MAP4K4: variants seen among roughly 807,000 people sequenced by gnomAD.
MAP4K4 encodes HPK/GCK-like kinase HGK.
A neutral mutation model predicts 189.6 loss-of-function variants in MAP4K4; 38 were observed. That is an observed-to-expected ratio of 0.20 (90% CI 0.15 to 0.26). The LOEUF (loss-of-function observed/expected upper bound fraction) is 0.26, where lower values mean the gene tolerates loss of function less well. Among genes scored for constraint, MAP4K4 ranks in the 10% least tolerant of loss-of-function variants. The pLI is 1.00. For synonymous variants in MAP4K4, 610 were observed against 624.3 expected, an observed-to-expected ratio of 0.98 and a Z score of 0.34; for missense variants, 1,054 against 1,726.9, an observed-to-expected ratio of 0.61 and a Z score of 6.91.
intron 10 of MAP4K4, among the ~76,000 whole-genome samples, chr2:101,841,386 G>T (rs1172004837): frequency 6.6e-6 from 1 of 152,130 alleles, no homozygotes; most frequent in Non-Finnish European, 1.5e-5. Context: ...ATACAGAAGA[G>T]CTTATATGTG....
In MAP4K4 at chr2:101,745,524, G is replaced by A. The variant is rs565665939; in HGVS notation, c.124-45196G>A. Among the ~76,000 whole-genome samples the A allele has an allele frequency of 5.3e-5, 8 of 151,344 alleles. No individual in the cohort carries two copies. The South Asian group carries it at 1.5e-3, about 28-fold the overall frequency. ...CTATATTTTATATAGCTACCTTTGG[G>A]CCATGAGTTCTAAGCTTTTTCTTAT... On this transcript the variant is annotated intron_variant, in intron 2 of 32. Coordinates refer to ENST00000324219, the Ensembl canonical transcript of MAP4K4.
chr2:101,760,976 G>A (rs2076131231), intron 2 of MAP4K4, among the ~76,000 whole-genome samples: 1 of 152,146 alleles, frequency 6.6e-6, no homozygotes, highest in South Asian at 2.1e-4. Flanking sequence ...GCACTCCAGT[G>A]TGGGCAACAA....
chr2:101,759,770 C>T (rs1409098581), intron 2 of MAP4K4, among the ~76,000 whole-genome samples: 2 of 71,618 alleles, frequency 2.8e-5, no homozygotes, highest in African/African-American at 1.2e-4. Context: ...CCTCCCCTTC[C>T]CCCATCCTCT....
At chr2:101,881,779 A>G (rs2098398751) in intron 27 of MAP4K4, among the ~76,000 whole-genome samples, 2 of 152,146 alleles carry the variant, frequency 1.3e-5, no homozygotes, top group Admixed American at 6.5e-5. Context: ...ATCTGTTGAT[A>G]TGATCATATG....
chr2:101,713,787 G>A (rs2046931322), intron 2 of MAP4K4, among the ~76,000 whole-genome samples: 1 of 151,776 alleles, frequency 6.6e-6, no homozygotes, highest in Non-Finnish European at 1.5e-5. Flanking sequence ...CCAGCTACTT[G>A]GGAGGCTGAG....
At chr2:101,782,923 A>G (rs901917836) in intron 2 of MAP4K4, among the ~76,000 whole-genome samples, 5 of 152,226 alleles carry the variant, frequency 3.3e-5, no homozygotes, top group African/African-American at 1.2e-4. Context: ...GTGCCCAACC[A>G]GTCAAGCTGG....
intron 2 of MAP4K4, among the ~76,000 whole-genome samples, chr2:101,755,359 A>G (rs985274457): frequency 1.3e-5 from 2 of 152,198 alleles, no homozygotes; most frequent in South Asian, 2.1e-4. Flanking sequence ...AATACAGCAA[A>G]GGAAAAGGCT....
exon 33 of MAP4K4, chr2:101,892,848 A>T (rs1055017002): frequency 8.8e-6 from 4 of 455,854 alleles, no homozygotes; most frequent in African/African-American, 8.0e-5. Flanking sequence ...TCCCGTAAGG[A>T]TATTACCGTC....
At chr2:101,837,243 T>G (rs1372612863) in intron 9 of MAP4K4, among the ~76,000 whole-genome samples, 1 of 152,016 alleles carries the variant, frequency 6.6e-6, no homozygotes, top group African/African-American at 2.4e-5. Flanking sequence ...TGTTCCTGTT[T>G]ATGCTTTTTT....
chr2:101,785,659 C>T (rs5029865), intron 2 of MAP4K4, among the ~76,000 whole-genome samples: 6,682 of 15,454 alleles, frequency 0.43, 1,533 homozygotes, highest in African/African-American at 0.55. Context: ...TTGCCATCTT[C>T]TTCTTTCTTT....
At chr2:101,783,125 G>T (rs2088600320) in intron 2 of MAP4K4, among the ~76,000 whole-genome samples, 1 of 152,182 alleles carries the variant, frequency 6.6e-6, no homozygotes. Flanking sequence ...TCTGGGGAGA[G>T]AATGGACAGA....
chr2:101,806,374 C>CTTTTTT (rs35242042), intron 3 of MAP4K4, among the ~76,000 whole-genome samples: 1 of 129,540 alleles, frequency 7.7e-6, no homozygotes, highest in African/African-American at 3.0e-5. Context: ...AGCTGTTTCA[C>CTTTTTT]TTTTTTTTTT....
At chr2:101,821,304 A>G (rs1419570462) in intron 3 of MAP4K4, among the ~76,000 whole-genome samples, 3 of 152,162 alleles carry the variant, frequency 2.0e-5, no homozygotes, top group Non-Finnish European at 4.4e-5. Flanking sequence ...TGCATCACTT[A>G]ACCATGAGGA....
At chr2:101,830,149 T>G (rs371905925) in intron 6 of MAP4K4, among the ~76,000 whole-genome samples, 5 of 152,320 alleles carry the variant, frequency 3.3e-5, no homozygotes, top group African/African-American at 9.6e-5. Context: ...GTCTTGGGCC[T>G]TGCTGCTTGT....
intron 27 of MAP4K4, among the ~76,000 whole-genome samples, chr2:101,882,248 G>T (rs1577359194): frequency 6.6e-6 from 1 of 152,324 alleles, no homozygotes; most frequent in East Asian, 1.9e-4. Context: ...TTACTGGTGA[G>T]AATGAGCATC....
chr2:101,723,596 G>A (rs2053510072), intron 2 of MAP4K4, among the ~76,000 whole-genome samples: 1 of 152,212 alleles, frequency 6.6e-6, no homozygotes, highest in Admixed American at 6.5e-5. Flanking sequence ...CAGAATCCAG[G>A]TGAGTTCTCA....
chr2:101,834,668 A>C (rs1191025368), intron 8 of MAP4K4, among the ~76,000 whole-genome samples: 3 of 152,216 alleles, frequency 2.0e-5, no homozygotes, highest in Non-Finnish European at 2.9e-5. Flanking sequence ...TATCTCTAGG[A>C]GGCCTATAGG....
intron 1 of MAP4K4, 124 bp from the exon 2 acceptor site, chr2:101,698,348 TG>T: frequency 1.1e-6 from 1 of 944,654 alleles, no homozygotes; most frequent in Non-Finnish European, 1.7e-6. Context: ...CCCCGGGCGC[TG>T]GGGGACCGCG....
intron 2 of MAP4K4, among the ~76,000 whole-genome samples, chr2:101,752,989 G>A (rs1051146294): frequency 1.3e-5 from 2 of 152,198 alleles, no homozygotes; most frequent in Non-Finnish European, 2.9e-5. Context: ...CCAGTTCTGT[G>A]TTTATTGCAC....
Sources: gnomAD v4.1 joint callset for allele counts (sites outside exome capture counted in the v4.1 genomes callset) on GRCh38, gnomAD v4.1.1 for gene constraint, MANE v1.5 for transcripts, NCBI Gene and HGNC (gene_info 2026-07-23, HGNC 2026-07-21) for gene names.